VPS13B: variants seen among roughly 807,000 people sequenced by gnomAD.
VPS13B encodes the protein intermembrane lipid transfer protein VPS13B.
Under a neutral mutation model 426.4 loss-of-function variants are expected in VPS13B, and 285 were observed. The observed-to-expected ratio is 0.67, with a 90% CI of 0.61 to 0.74. VPS13B has a LOEUF of 0.74. VPS13B is among the 30% of genes least tolerant of loss of function. The probability of loss-of-function intolerance (pLI) is 0.00; values close to 1 mark genes in which losing one functional copy is unlikely to be tolerated. For missense variants in VPS13B, 4,537 were observed against 4,782.6 expected, an observed-to-expected ratio of 0.95 and a Z score of 1.51; for synonymous variants, 1,676 against 1,676.4, an observed-to-expected ratio of 1.00 and a Z score of 0.01.
At chr8:99,136,491 T>C (rs1262962606) in intron 11 of VPS13B, among the ~76,000 whole-genome samples, 174 bp from the exon 12 acceptor site, 3 of 152,128 alleles carry the variant, frequency 2.0e-5, no homozygotes, top group Non-Finnish European at 2.9e-5. Context: ...TGGTCTGTAA[T>C]AGATGGAATA....
At chr8:99,418,454 G>A (rs928332735) in intron 21 of VPS13B, among the ~76,000 whole-genome samples, 1 of 134,768 alleles carries the variant, frequency 7.4e-6, no homozygotes, top group African/African-American at 2.7e-5. Context: ...CTTTATCATA[G>A]TTTTCTTTCT....
In VPS13B at chr8:99,082,821, A is replaced by G. The variant is rs183230459; in HGVS notation, c.292-13491A>G. On this transcript the variant is annotated intron_variant, in intron 3 of 61. Coordinates refer to ENST00000357162, the MANE Select transcript of VPS13B (RefSeq NM_152564.5). Reference sequence around the variant, plus strand: ...GCTCTGTTCTGTTCCATTGATCTACATCTCTGTTTTGGTACCAGTACCATG... The same window carrying G: ...GCTCTGTTCTGTTCCATTGATCTACGTCTCTGTTTTGGTACCAGTACCATG... Among the ~76,000 whole-genome samples, 6 of 152,210 alleles carry G rather than the reference A, an allele frequency of 3.9e-5. No homozygotes were observed. The East Asian group carries it at 1.2e-3, about 29-fold the overall frequency.
chr8:99,394,425 G>A (rs1034019164), intron 21 of VPS13B, among the ~76,000 whole-genome samples: 13 of 152,126 alleles, frequency 8.5e-5, no homozygotes, highest in African/African-American at 2.4e-5. Flanking sequence ...CTGGCTACAG[G>A]GGGACCTGTG....
chr8:99,133,201 A>G (rs969808731), intron 8 of VPS13B, among the ~76,000 whole-genome samples: 1 of 152,210 alleles, frequency 6.6e-6, no homozygotes, highest in African/African-American at 2.4e-5. Flanking sequence ...TGCAGCTTCT[A>G]CGTCAACCCT....
At position 99,552,062 on chromosome 8, in the gene VPS13B, A is replaced by G. The variant is rs1588487693; in HGVS notation, c.4746-4388A>G. Among the ~76,000 whole-genome samples, 9 of 151,942 alleles carry G rather than the reference A, an allele frequency of 5.9e-5. No individual in the cohort carries two copies. The South Asian group carries it at 1.9e-3, about 32-fold the overall frequency. ...TGAATCTTAACCTTCTTTCATTTAT[A>G]GTATTTCCTTGTCTCTTTGGATTAA... On this transcript the variant is annotated intron_variant, in intron 30 of 61. Coordinates refer to ENST00000357162, the MANE Select transcript of VPS13B (RefSeq NM_152564.5).
intron 15 of VPS13B, among the ~76,000 whole-genome samples, chr8:99,158,525 G>T (rs914978065): frequency 6.6e-6 from 1 of 152,058 alleles, no homozygotes; most frequent in Non-Finnish European, 1.5e-5. Context: ...AGGGCAAGAC[G>T]CTGACTCTCT....
At chr8:99,583,462 T>C (rs893364325) in intron 33 of VPS13B, among the ~76,000 whole-genome samples, 6 of 152,192 alleles carry the variant, frequency 3.9e-5, no homozygotes, top group African/African-American at 9.7e-5. Context: ...CATTGGGCTT[T>C]TTTGCTATGA....
At chr8:99,309,030 T>C (rs1820802771) in intron 19 of VPS13B, among the ~76,000 whole-genome samples, 1 of 151,390 alleles carries the variant, frequency 6.6e-6, no homozygotes, top group South Asian at 2.1e-4. Flanking sequence ...ATGGAGTTGT[T>C]TGTTTTTTTC....
At chr8:99,236,097 G>A (rs1344272193) in intron 17 of VPS13B, among the ~76,000 whole-genome samples, 1 of 152,160 alleles carries the variant, frequency 6.6e-6, no homozygotes, top group Non-Finnish European at 1.5e-5. Flanking sequence ...TACCATGGTG[G>A]CATTTACTGG....
intron 30 of VPS13B, among the ~76,000 whole-genome samples, chr8:99,537,285 T>A (rs1823302637): frequency 1.3e-5 from 2 of 152,194 alleles, no homozygotes; most frequent in Admixed American, 6.5e-5. Context: ...TTTTTAAAAA[T>A]TTATTCTAGT....
intron 19 of VPS13B, among the ~76,000 whole-genome samples, chr8:99,311,501 G>A (rs1369672408): frequency 6.6e-6 from 1 of 152,134 alleles, no homozygotes; most frequent in Non-Finnish European, 1.5e-5. Flanking sequence ...TCTTTATCCC[G>A]AGTTCTAGTT....
intron 17 of VPS13B, among the ~76,000 whole-genome samples, chr8:99,269,979 T>A (rs1001958213): frequency 2.0e-5 from 3 of 151,926 alleles, no homozygotes; most frequent in Non-Finnish European, 4.4e-5. Context: ...AAAAAACTTT[T>A]CTTAAGGAGA....
chr8:99,529,463 C>A (rs542565201), intron 30 of VPS13B, among the ~76,000 whole-genome samples: 7 of 151,736 alleles, frequency 4.6e-5, no homozygotes, highest in Non-Finnish European at 1.0e-4. Context: ...TGTTTTGAAC[C>A]GAGAAAATAT....
chr8:99,748,322 C>T lies in VPS13B; in HGVS notation c.7051-18452C>T, dbSNP rs530917834. On this transcript the variant is annotated intron_variant, in intron 39 of 61. Coordinates refer to ENST00000357162, the MANE Select transcript of VPS13B (RefSeq NM_152564.5). ...GAATTAAGAGCCAGTCTTTCTAGCC[C>T]AGGAAATTTGCCTCTCTGTAGATTT... is the stretch of plus-strand genomic sequence containing the variant. Among the ~76,000 whole-genome samples, 57 of 152,078 alleles carry T rather than the reference C, an allele frequency of 3.7e-4. No homozygotes were observed. In the South Asian group the frequency reaches 0.011, roughly 31 times the overall value.
intron 2 of VPS13B, among the ~76,000 whole-genome samples, chr8:99,035,922 A>G (rs898557760): frequency 1.3e-5 from 2 of 152,100 alleles, no homozygotes; most frequent in African/African-American, 4.8e-5. Context: ...GCTTCTTTTC[A>G]TATACTTATT....
chr8:99,427,444 T>G (rs1288446214), intron 21 of VPS13B, among the ~76,000 whole-genome samples: 1 of 151,112 alleles, frequency 6.6e-6, no homozygotes, highest in Non-Finnish European at 1.5e-5. Flanking sequence ...TTTCCAATTC[T>G]GTGAAGAAAG....
chr8:99,020,685 A>G (rs905888093), intron 2 of VPS13B, among the ~76,000 whole-genome samples: 2 of 152,162 alleles, frequency 1.3e-5, no homozygotes, highest in Non-Finnish European at 2.9e-5. Flanking sequence ...TCCTAACACC[A>G]TTTGTTGACA....
chr8:99,095,177 G>T (rs1184066064), intron 3 of VPS13B, among the ~76,000 whole-genome samples: 1 of 152,162 alleles, frequency 6.6e-6, no homozygotes, highest in African/African-American at 2.4e-5. Context: ...TAATAGGTTA[G>T]TGGCAGCCTC....
intron 55 of VPS13B, 85 bp from the exon 56 acceptor site, chr8:99,853,366 A>C (rs1301680258): frequency 7.1e-7 from 1 of 1,399,094 alleles, no homozygotes; most frequent in East Asian, 2.3e-5. Context: ...GGAGGTATTT[A>C]ATAGGGTACT....
Sources: allele counts gnomAD v4.1 joint callset (sites outside exome capture counted in the v4.1 genomes callset), GRCh38; gene constraint gnomAD v4.1.1; transcripts MANE v1.5; gene names NCBI Gene and HGNC (gene_info 2026-07-23, HGNC 2026-07-21).